FNDC3A: variants seen among roughly 807,000 people sequenced by gnomAD.
The protein encoded by FNDC3A is fibronectin type III domain containing 3A.
A neutral mutation model predicts 148.9 loss-of-function variants in FNDC3A; 32 were observed. That is an observed-to-expected ratio of 0.21 (90% CI 0.16 to 0.29). The LOEUF (loss-of-function observed/expected upper bound fraction) is 0.29, where lower values mean the gene tolerates loss of function less well. Ranked by LOEUF, FNDC3A falls within the 10% of genes least tolerant of loss-of-function variation. The pLI, the probability that FNDC3A is intolerant of heterozygous loss-of-function variation, is 1.00. For missense variants in FNDC3A, 1,191 were observed against 1,452.8 expected (o/e 0.82, Z 2.93); for synonymous variants, 472 against 473.6 (o/e 1.00, Z 0.04).
At position 49,145,864 on chromosome 13, in the gene FNDC3A, A is replaced by G. The variant is rs1593656787; in HGVS notation, c.906A>G (p.Val302=). The G allele has an allele frequency of 1.9e-6, 3 of 1,613,518 alleles. No homozygotes were observed. The East Asian group carries it at 6.7e-5, about 36-fold the overall frequency. Reference sequence around the variant, plus strand: ...ATGGTGAAACAGATGAAAGTAGTGTACCAGAGCTCTATGGTTATGAAGTTC... The same window carrying G: ...ATGGTGAAACAGATGAAAGTAGTGTGCCAGAGCTCTATGGTTATGAAGTTC... ...LINGETDESS[V]PELYGYEVLI... The change falls in exon 8 of 26, where the codon GTA becomes GTG. Residue 302 remains valine (V), a synonymous_variant. Coordinates refer to ENST00000492622, the MANE Select transcript of FNDC3A (RefSeq NM_001079673.2).
chr13:49,017,748 C>G (rs1872923163), intron 2 of FNDC3A, among the ~76,000 whole-genome samples: 1 of 151,740 alleles, frequency 6.6e-6, no homozygotes, highest in Non-Finnish European at 1.5e-5. Flanking sequence ...CCTGGTTGTT[C>G]CTTTCCATGT....
At chr13:49,073,559 G>A (rs1030062300) in intron 2 of FNDC3A, among the ~76,000 whole-genome samples, 4 of 151,388 alleles carry the variant, frequency 2.6e-5, no homozygotes, top group African/African-American at 4.9e-5. Flanking sequence ...CAATAATATT[G>A]TATGAAATTA....
intron 2 of FNDC3A, chr13:49,045,148 CT>C (rs1279244789): frequency 5.4e-6 from 1 of 186,374 alleles, no homozygotes; most frequent in African/African-American, 2.5e-5. Flanking sequence ...TTTCCTTTCC[CT>C]TTCCCTTTCC....
intron 1 of FNDC3A, among the ~76,000 whole-genome samples, chr13:48,998,383 A>G (rs954948881): frequency 7.2e-5 from 11 of 152,202 alleles, no homozygotes; most frequent in African/African-American, 2.7e-4. Flanking sequence ...AAATTCCATC[A>G]TGTGATGGGT....
intron 16 of FNDC3A, among the ~76,000 whole-genome samples, chr13:49,188,186 G>GT (rs1305718958): frequency 6.6e-6 from 1 of 152,108 alleles, no homozygotes; most frequent in East Asian, 1.9e-4. Flanking sequence ...TCTGATACTG[G>GT]TTTTTTGTAC....
At chr13:49,020,006 TTCA>T (rs1416753213) in intron 2 of FNDC3A, among the ~76,000 whole-genome samples, 3 of 152,250 alleles carry the variant, frequency 2.0e-5, no homozygotes, top group African/African-American at 7.2e-5. Context: ...CTGTGAATAC[TTCA>T]TCTTAAGTTT....
intron 2 of FNDC3A, among the ~76,000 whole-genome samples, chr13:49,014,504 T>C (rs1952445727): frequency 7.3e-6 from 1 of 137,664 alleles, no homozygotes; most frequent in Admixed American, 7.5e-5. Flanking sequence ...ATTAGCCCTT[T>C]GTCAGATGAG....
chr13:49,064,975 A>G (rs1877165450), intron 2 of FNDC3A, among the ~76,000 whole-genome samples: 1 of 152,220 alleles, frequency 6.6e-6, no homozygotes, highest in African/African-American at 2.4e-5. Context: ...GGAAAATTGT[A>G]TGAGTGAAAA....
intron 2 of FNDC3A, among the ~76,000 whole-genome samples, chr13:49,042,764 C>T (rs889810943): frequency 3.3e-5 from 5 of 151,924 alleles, no homozygotes; most frequent in African/African-American, 1.2e-4. Context: ...GCAACAGAGA[C>T]CCTGTCTCAA....
intron 23 of FNDC3A, chr13:49,201,139 C>T (rs887288277): frequency 2.4e-5 from 7 of 292,976 alleles, no homozygotes; most frequent in Middle Eastern, 8.3e-4. Context: ...TTAGAAACAT[C>T]CAATCAAAAA....
chr13:49,195,511 T>C (rs150432608), intron 19 of FNDC3A, among the ~76,000 whole-genome samples: 14 of 152,318 alleles, frequency 9.2e-5, no homozygotes, highest in Middle Eastern at 3.4e-3. Context: ...AGTATTATAC[T>C]GTTATTTTTA....
intron 2 of FNDC3A, chr13:49,045,578 A>C (rs1320657401): frequency 9.8e-6 from 4 of 409,480 alleles, no homozygotes; most frequent in Non-Finnish European, 1.8e-5. Flanking sequence ...AATATATCCC[A>C]TACCATACTC....
intron 2 of FNDC3A, among the ~76,000 whole-genome samples, chr13:49,037,692 C>G (rs1052986092): frequency 3.3e-5 from 5 of 152,200 alleles, no homozygotes; most frequent in East Asian, 1.9e-4. Flanking sequence ...GCCTCACCCC[C>G]CTCACAGTAC....
At chr13:49,059,621 A>C (rs1024009983) in intron 2 of FNDC3A, among the ~76,000 whole-genome samples, 6 of 151,922 alleles carry the variant, frequency 3.9e-5, no homozygotes, top group Non-Finnish European at 8.8e-5. Context: ...ATGCCTGGCT[A>C]ATTTTTGTAT....
chr13:49,100,120 A>T (rs1879771614), intron 3 of FNDC3A, among the ~76,000 whole-genome samples: 1 of 152,080 alleles, frequency 6.6e-6, no homozygotes, highest in Non-Finnish European at 1.5e-5. Flanking sequence ...CATTTATATT[A>T]CTCCAATATT....
At chr13:49,136,733 G>T in intron 6 of FNDC3A, 132 bp downstream of exon 6, 1 of 808,042 alleles carries the variant, frequency 1.2e-6, no homozygotes, top group South Asian at 2.3e-5. Flanking sequence ...GCTTTCGACA[G>T]TTTGGAAAGC....
At chr13:49,015,077 T>A (rs1417465442) in intron 2 of FNDC3A, among the ~76,000 whole-genome samples, 1 of 152,226 alleles carries the variant, frequency 6.6e-6, no homozygotes, top group African/African-American at 2.4e-5. Context: ...GACTTGGCGA[T>A]GCGGTCTCTT....
chr13:49,037,873 C>G (rs1379318944), intron 2 of FNDC3A, among the ~76,000 whole-genome samples: 1 of 152,230 alleles, frequency 6.6e-6, no homozygotes, highest in African/African-American at 2.4e-5. Flanking sequence ...AGTGGGCATT[C>G]TACAGTGCAC....
At chr13:49,197,078 C>A in intron 20 of FNDC3A, 88 bp downstream of exon 20, 1 of 754,714 alleles carries the variant, frequency 1.3e-6, no homozygotes, top group Non-Finnish European at 2.1e-6. Context: ...TCATTTTTAC[C>A]GCCTATATTA....
Sources: allele counts gnomAD v4.1 joint callset (sites outside exome capture counted in the v4.1 genomes callset), GRCh38; gene constraint gnomAD v4.1.1; transcripts MANE v1.5; gene names NCBI Gene and HGNC (gene_info 2026-07-23, HGNC 2026-07-21).